The following ATP10A variants were observed in gnomAD, a reference collection of about 807,000 sequenced individuals.
The protein encoded by ATP10A is phospholipid-transporting ATPase VA.
ATP10A carries 111 observed loss-of-function variants against 147.8 expected under a neutral mutation model. That is an observed-to-expected ratio of 0.75 (90% CI 0.64 to 0.88). The LOEUF is 0.88. Among genes scored for constraint, ATP10A ranks in the 40% least tolerant of loss-of-function variants. The probability of loss-of-function intolerance (pLI) is 0.00; values close to 1 mark genes in which losing one functional copy is unlikely to be tolerated. For synonymous variants in ATP10A, 875 were observed against 841.6 expected, an observed-to-expected ratio of 1.04 and a Z score of -0.69; for missense variants, 1,927 against 1,959.0, an observed-to-expected ratio of 0.98 and a Z score of 0.31.
intron 1 of ATP10A, among the ~76,000 whole-genome samples, chr15:25,783,789 G>A (rs1028718503): frequency 6.6e-6 from 1 of 152,202 alleles, no homozygotes; most frequent in Non-Finnish European, 1.5e-5. Flanking sequence ...GCTTACCCAA[G>A]CATTCCTCAG....
rs750750142 is a variant in ATP10A at position 25,681,050 on chromosome 15, A to G, written c.3517T>C (p.Phe1173Leu). 6.2e-7 allele frequency: 1 copy of G among 1,614,018 alleles called. No homozygotes were observed. Among genetic ancestry groups the G allele is most frequent in the South Asian group, 1.1e-5 (1 of 91,078 alleles). ...MEEYRPRTFW[F>L]NMADAAFQSL... ...TGGAAGGCGGCGTCGGCCATGTTAA[A>G]CCAGAACGTTCGTGGCCGGTATTCC... Residue 1173 changes from phenylalanine (F) to leucine (L), a missense_variant, in exon 18 of 21, where the codon TTT becomes CTT. By Grantham distance (22) the Phe-to-Leu change is conservative. Coordinates refer to ENST00000555815, the MANE Select transcript of ATP10A (RefSeq NM_024490.4).
intron 2 of ATP10A, among the ~76,000 whole-genome samples, chr15:25,748,962 C>G (rs969758803): frequency 2.1e-5 from 3 of 146,324 alleles, no homozygotes; most frequent in Non-Finnish European, 4.5e-5. Context: ...ACTCAGGAGG[C>G]TGAGGTGGGA....
intron 1 of ATP10A, among the ~76,000 whole-genome samples, chr15:25,859,524 G>A (rs2140925160): frequency 6.6e-6 from 1 of 152,284 alleles, no homozygotes. Context: ...ACAGCTTAGT[G>A]ACGCTGGGTG....
intron 1 of ATP10A, among the ~76,000 whole-genome samples, chr15:25,822,116 C>T (rs565420908): frequency 3.6e-4 from 55 of 152,108 alleles, no homozygotes; most frequent in African/African-American, 7.7e-4. Context: ...GGAAATGCCA[C>T]GTAAATAGTT....
rs537073020 is a variant in ATP10A at position 25,842,753 on chromosome 15, C to G, written c.449+19895G>C. Among the ~76,000 whole-genome samples the G allele has an allele frequency of 4.6e-5, 7 of 152,080 alleles. No individual in the cohort carries two copies. In the South Asian group the frequency reaches 1.5e-3, roughly 32 times the overall value. On this transcript the variant is annotated intron_variant, in intron 1 of 20. Coordinates refer to ENST00000555815, the MANE Select transcript of ATP10A (RefSeq NM_024490.4). Reference sequence around the variant, plus strand: ...TTTTTTTTTGAGATAGAATTTCACTCTGTCACTCACAGTTCAGTGGCACAA... The same window carrying G: ...TTTTTTTTTGAGATAGAATTTCACTGTGTCACTCACAGTTCAGTGGCACAA...
intron 3 of ATP10A, among the ~76,000 whole-genome samples, chr15:25,734,780 G>A (rs1296365848): frequency 2.0e-5 from 3 of 152,094 alleles, no homozygotes; most frequent in African/African-American, 7.2e-5. Context: ...TGGGTGACGG[G>A]GCCATCACTT....
chr15:25,857,232 C>T (rs2140920986), intron 1 of ATP10A, among the ~76,000 whole-genome samples: 1 of 152,140 alleles, frequency 6.6e-6, no homozygotes, highest in Middle Eastern at 3.4e-3. Flanking sequence ...CAGCTGGAGC[C>T]CAGGAGTTGG....
At chr15:25,729,546 G>A (rs775658065) in intron 3 of ATP10A, among the ~76,000 whole-genome samples, 8 of 152,170 alleles carry the variant, frequency 5.3e-5, no homozygotes, top group Non-Finnish European at 1.0e-4. Flanking sequence ...ATCTTCGAGT[G>A]TGCGCCTGTG....
chr15:25,690,611 CA>C (rs1567303010), intron 15 of ATP10A, among the ~76,000 whole-genome samples: 1 of 152,144 alleles, frequency 6.6e-6, no homozygotes, highest in African/African-American at 2.4e-5. Context: ...CACAAATCTC[CA>C]AAAAATTTTC....
downstream of ATP10A, among the ~76,000 whole-genome samples, chr15:25,674,452 C>T (rs559488518): frequency 1.3e-5 from 2 of 152,316 alleles, no homozygotes; most frequent in East Asian, 1.9e-4. Flanking sequence ...TTAACTCAGA[C>T]GGCCCAGCTA....
At chr15:25,796,962 C>T (rs1890700376) in intron 1 of ATP10A, among the ~76,000 whole-genome samples, 1 of 152,208 alleles carries the variant, frequency 6.6e-6, no homozygotes, top group Non-Finnish European at 1.5e-5. Flanking sequence ...CCATTAACAT[C>T]TCACATACCG....
chr15:25,681,513 G>A (rs1899408874), intron 17 of ATP10A, among the ~76,000 whole-genome samples: 2 of 152,136 alleles, frequency 1.3e-5, no homozygotes, highest in Non-Finnish European at 2.9e-5. Flanking sequence ...CTCTTTTAGA[G>A]AGCCTCTCTC....
chr15:25,742,210 C>T (rs923761705), intron 2 of ATP10A, among the ~76,000 whole-genome samples: 1 of 152,224 alleles, frequency 6.6e-6, no homozygotes, highest in Admixed American at 6.5e-5. Context: ...GACAAGCTGA[C>T]AGGGACAATG....
chr15:25,693,451 C>G (rs1199420904), intron 14 of ATP10A, among the ~76,000 whole-genome samples: 1 of 152,344 alleles, frequency 6.6e-6, no homozygotes, highest in South Asian at 2.1e-4. Flanking sequence ...CCAGTGGCTA[C>G]GCGGCTGAGG....
chr15:25,674,454 GC>G (rs1567290787), downstream of ATP10A, among the ~76,000 whole-genome samples: 1 of 152,094 alleles, frequency 6.6e-6, no homozygotes, highest in Admixed American at 6.6e-5. Context: ...AACTCAGACG[GC>G]CCAGCTAGTC....
At chr15:25,746,166 A>G (rs1253083300) in intron 2 of ATP10A, among the ~76,000 whole-genome samples, 1 of 152,152 alleles carries the variant, frequency 6.6e-6, no homozygotes, top group African/African-American at 2.4e-5. Flanking sequence ...GAAAAGCTGA[A>G]AAAGATATAA....
downstream of ATP10A, among the ~76,000 whole-genome samples, chr15:25,673,304 C>T (rs188654978): frequency 6.6e-6 from 1 of 152,188 alleles, no homozygotes; most frequent in Non-Finnish European, 1.5e-5. Flanking sequence ...CATGGACACT[C>T]CTTGGCAGAA....
intron 2 of ATP10A, among the ~76,000 whole-genome samples, chr15:25,769,262 G>C (rs1470707783): frequency 6.6e-6 from 1 of 151,940 alleles, no homozygotes; most frequent in Non-Finnish European, 1.5e-5. Context: ...TGAGGCGGAT[G>C]GATCATGAGG....
intron 2 of ATP10A, among the ~76,000 whole-genome samples, chr15:25,774,985 T>C (rs1252288520): frequency 6.6e-6 from 1 of 152,182 alleles, no homozygotes; most frequent in Non-Finnish European, 1.5e-5. Context: ...TATCCTTGAA[T>C]GTATAAGAGA....
Sources: allele counts gnomAD v4.1 joint callset (sites outside exome capture counted in the v4.1 genomes callset), GRCh38; gene constraint gnomAD v4.1.1; transcripts MANE v1.5; gene names NCBI Gene and HGNC (gene_info 2026-07-23, HGNC 2026-07-21).